Variants in C8orf34 observed in about 807,000 individuals in gnomAD.
C8orf34 encodes uncharacterized protein C8orf34.
A neutral mutation model predicts 68.3 loss-of-function variants in C8orf34; 65 were observed. The observed-to-expected ratio is 0.95, with a 90% confidence interval of 0.78 to 1.17. The LOEUF is 1.17. Ranked by LOEUF, C8orf34 falls within the 50% of genes most tolerant of loss-of-function variation. C8orf34 has a pLI of 0.00. For missense variants in C8orf34, 664 were observed against 655.4 expected, an observed-to-expected ratio of 1.01 and a Z score of -0.14; for synonymous variants, 244 against 241.2, an observed-to-expected ratio of 1.01 and a Z score of -0.11.
At chr8:68,773,870 A>G (rs1471476082) in intron 10 of C8orf34, among the ~76,000 whole-genome samples, 1 of 152,136 alleles carries the variant, frequency 6.6e-6, no homozygotes, top group Non-Finnish European at 1.5e-5. Flanking sequence ...GGCTGTCAAG[A>G]AGCTTGCTTT....
intron 3 of C8orf34, chr8:68,447,941 C>T (rs1041619938): frequency 1.3e-5 from 2 of 152,032 alleles, no homozygotes; most frequent in African/African-American, 2.4e-5. Flanking sequence ...CCAGTAATAT[C>T]CAGCACAGTG....
At chr8:68,418,768 G>A (rs1334246289) in intron 1 of C8orf34, among the ~76,000 whole-genome samples, 1 of 152,022 alleles carries the variant, frequency 6.6e-6, no homozygotes, top group East Asian at 1.9e-4. Context: ...TGGGAAAACT[G>A]GCTAGCCATA....
intron 4 of C8orf34, among the ~76,000 whole-genome samples, chr8:68,481,676 T>C (rs775331795): frequency 2.6e-5 from 4 of 152,220 alleles, no homozygotes; most frequent in Non-Finnish European, 4.4e-5. Flanking sequence ...CTTTAAAATT[T>C]GACTACCCTG....
chr8:68,513,855 C>T (rs1272690209), intron 5 of C8orf34, among the ~76,000 whole-genome samples: 1 of 151,920 alleles, frequency 6.6e-6, no homozygotes, highest in Non-Finnish European at 1.5e-5. Flanking sequence ...CCGGTCTGTC[C>T]CAGAAAAGGA....
At chr8:68,341,660 G>A (rs56096455) in intron 1 of C8orf34, among the ~76,000 whole-genome samples, 6,422 of 152,150 alleles carry the variant, frequency 0.042, 192 homozygotes, top group South Asian at 0.063. Flanking sequence ...ATCTGTTTAA[G>A]TGGTGTGGCA....
chr8:68,398,357 G>C (rs1463676764), intron 1 of C8orf34, among the ~76,000 whole-genome samples: 1 of 152,038 alleles, frequency 6.6e-6, no homozygotes, highest in Non-Finnish European at 1.5e-5. Context: ...TATCTGTGAA[G>C]GCTATCCCAC....
chr8:68,500,770 C>T (rs60099396), intron 5 of C8orf34, among the ~76,000 whole-genome samples: 2,435 of 152,206 alleles, frequency 0.016, 70 homozygotes, highest in African/African-American at 0.056. Flanking sequence ...TAACCATTAA[C>T]ATTCGGGCAA....
At chr8:68,723,954 A>G (rs28489934) in intron 10 of C8orf34, among the ~76,000 whole-genome samples, 3,863 of 152,222 alleles carry the variant, frequency 0.025, 162 homozygotes, top group African/African-American at 0.086. Flanking sequence ...TTTTATTTAC[A>G]TTCATTAGAT....
chr8:68,468,716 A>G lies in C8orf34; in HGVS notation c.632A>G (p.Lys211Arg). Reference sequence around the variant, plus strand: ...GTGCCAAGGTCAGTAGAGCATCCAAAGTGGAACTGGAGGACTAAACCACAA... The same window carrying G: ...GTGCCAAGGTCAGTAGAGCATCCAAGGTGGAACTGGAGGACTAAACCACAA... ...KSLPRSVEHP[K>R]WNWRTKPQSR... The change falls in exon 4 of 14, where the codon AAG (lysine) becomes AGG (arginine). Residue 211 changes from lysine (K) to arginine (R), a missense_variant. Lys to Arg is a conservative substitution (Grantham distance 26, BLOSUM62 2). Transcript: ENST00000518698. The G allele has an allele frequency of 1.2e-6, 2 of 1,612,824 alleles. No homozygotes were observed.
intron 1 of C8orf34, among the ~76,000 whole-genome samples, chr8:68,342,376 A>T (rs191106988): frequency 1.8e-4 from 27 of 152,298 alleles, no homozygotes; most frequent in African/African-American, 4.8e-4. Flanking sequence ...TCTGTGAAAG[A>T]CTGTATTAAA....
intron 1 of C8orf34, among the ~76,000 whole-genome samples, chr8:68,358,389 C>T (rs572602339): frequency 3.2e-4 from 49 of 151,772 alleles, no homozygotes; most frequent in Admixed American, 1.3e-3. Flanking sequence ...ATTGTGTTGC[C>T]GGCTCCAGCT....
At position 68,358,846 on chromosome 8, in the gene C8orf34, C is replaced by T. The variant is rs117147775; in HGVS notation, c.327+27507C>T. On this transcript the variant is annotated intron_variant, in intron 1 of 13. Coordinates refer to ENST00000518698, the MANE Select transcript of C8orf34 (RefSeq NM_052958.4). Reference sequence around the variant, plus strand: ...TCAGCCTCCTGAGTGTACAGGTGTGCGCCACCACATCTGGCTAATTTTTGT... The same window carrying T: ...TCAGCCTCCTGAGTGTACAGGTGTGTGCCACCACATCTGGCTAATTTTTGT... Among the ~76,000 whole-genome samples, 1,246 of 151,868 alleles carry T rather than the reference C, an allele frequency of 8.2e-3. 39 individuals carry two copies. The East Asian group carries it at 0.1, about 13-fold the overall frequency.
intron 1 of C8orf34, among the ~76,000 whole-genome samples, chr8:68,373,407 T>TA (rs1807646783): frequency 6.6e-6 from 1 of 152,202 alleles, no homozygotes; most frequent in African/African-American, 2.4e-5. Flanking sequence ...CTCATAGGAA[T>TA]TCTCTCCAAA....
chr8:68,434,097 A>T (rs1810556988), intron 1 of C8orf34, among the ~76,000 whole-genome samples: 1 of 152,134 alleles, frequency 6.6e-6, no homozygotes, highest in African/African-American at 2.4e-5. Context: ...CAAAATTTGT[A>T]AAAAGGAATT....
chr8:68,739,819 A>G (rs1410550139), intron 10 of C8orf34, among the ~76,000 whole-genome samples: 1 of 152,036 alleles, frequency 6.6e-6, no homozygotes, highest in Non-Finnish European at 1.5e-5. Flanking sequence ...ACGAACAAAA[A>G]CCCCACAAAG....
chr8:68,778,751 A>C (rs1327874148), intron 11 of C8orf34, among the ~76,000 whole-genome samples: 1 of 152,224 alleles, frequency 6.6e-6, no homozygotes, highest in Non-Finnish European at 1.5e-5. Flanking sequence ...ATTTTACATC[A>C]CAGAAATCTT....
At chr8:68,634,003 G>C (rs1421604333) in intron 7 of C8orf34, among the ~76,000 whole-genome samples, 1 of 151,984 alleles carries the variant, frequency 6.6e-6, no homozygotes, top group Non-Finnish European at 1.5e-5. Flanking sequence ...GTTTTACATG[G>C]CATGGGAGCC....
At chr8:68,391,230 T>C (rs1051855417) in intron 1 of C8orf34, among the ~76,000 whole-genome samples, 1 of 152,134 alleles carries the variant, frequency 6.6e-6, no homozygotes, top group Admixed American at 6.5e-5. Context: ...TAGGAGGTGA[T>C]ATTATAATCC....
intron 10 of C8orf34, among the ~76,000 whole-genome samples, chr8:68,756,415 A>G (rs886723620): frequency 2.0e-5 from 3 of 152,156 alleles, no homozygotes; most frequent in African/African-American, 7.2e-5. Flanking sequence ...TAACTCATTC[A>G]TTCATTTTTC....
Sources: allele counts gnomAD v4.1 joint callset (sites outside exome capture counted in the v4.1 genomes callset), GRCh38; gene constraint gnomAD v4.1.1; transcripts MANE v1.5; gene names NCBI Gene and HGNC (gene_info 2026-07-23, HGNC 2026-07-21).